The following RASEF variants were observed in gnomAD, a reference collection of about 807,000 sequenced individuals.
RASEF encodes the protein ras and EF-hand domain-containing protein.
RASEF carries 68 observed loss-of-function variants against 90.1 expected under a neutral mutation model. That is an observed-to-expected ratio of 0.75 (90% CI 0.62 to 0.92). The LOEUF is 0.92. RASEF is among the 40% of genes least tolerant of loss of function. RASEF has a pLI of 0.00. For missense variants in RASEF, 949 were observed against 937.2 expected, an observed-to-expected ratio of 1.01 and a Z score of -0.16; for synonymous variants, 331 against 345.2, an observed-to-expected ratio of 0.96 and a Z score of 0.46.
chr9:83,012,347 G>T, intron 5 of RASEF, 87 bp downstream of exon 5: 2 of 642,156 alleles, frequency 3.1e-6, no homozygotes, highest in Non-Finnish European at 5.1e-6. Context: ...TTCCCTTTAA[G>T]CTGCTCTTCC....
At chr9:83,117,795 G>A in the RASEF span, among the ~76,000 whole-genome samples, 1 of 152,164 alleles carries the variant, frequency 6.6e-6, no homozygotes, top group Admixed American at 6.5e-5. Flanking sequence ...GTAAATGCAT[G>A]GTATTAACTT....
chr9:83,099,674 A>G, the RASEF span, among the ~76,000 whole-genome samples: 4 of 152,226 alleles, frequency 2.6e-5, no homozygotes, highest in Non-Finnish European at 4.4e-5. Flanking sequence ...GTCTCAGTCT[A>G]GTCCTCAGCA....
At chr9:83,010,467 A>G (rs1829219296) in intron 5 of RASEF, among the ~76,000 whole-genome samples, 1 of 152,182 alleles carries the variant, frequency 6.6e-6, no homozygotes, top group African/African-American at 2.4e-5. Flanking sequence ...GAGTGGGGAA[A>G]TGGAAGATTA....
At position 82,980,891 on chromosome 9, in the gene RASEF, C is replaced by T. The variant is rs932190439; in HGVS notation, c.*1786G>A. 5 of 152,312 alleles carry T rather than the reference C, an allele frequency of 3.3e-5. No individual in the cohort carries two copies. In the East Asian group the frequency reaches 9.6e-4, roughly 29 times the overall value. 9.4% of individuals were successfully genotyped at this position (152,312 alleles called of 1,614,324 possible). On this transcript the variant is annotated 3_prime_UTR_variant, in exon 17 of 17. Transcript: ENST00000376447. ...GCAGAGTTACTGAGGATAGATCCAA[C>T]TTTCCAGCAAAAATATCAGATGTCT...
chr9:82,994,756 T>C (rs1828881439), intron 14 of RASEF, among the ~76,000 whole-genome samples: 1 of 152,218 alleles, frequency 6.6e-6, no homozygotes, highest in Non-Finnish European at 1.5e-5. Flanking sequence ...TCATGACAGA[T>C]AAACAAATGG....
chr9:83,088,927 TGATA>T, the RASEF span, among the ~76,000 whole-genome samples: 11 of 152,070 alleles, frequency 7.2e-5, no homozygotes, highest in Non-Finnish European at 1.6e-4. Context: ...AGTTAATTAC[TGATA>T]GATAGATGTT....
the RASEF span, among the ~76,000 whole-genome samples, chr9:83,079,996 G>T: frequency 6.6e-6 from 1 of 152,126 alleles, no homozygotes. Flanking sequence ...TAAGTGTATA[G>T]GTAGAAATGT....
At chr9:83,174,975 C>T in the RASEF span, among the ~76,000 whole-genome samples, 30,648 of 151,998 alleles carry the variant, frequency 0.2, 3,235 homozygotes, top group African/African-American at 0.26. Flanking sequence ...TGTATCCTAT[C>T]ACCTTGGAAA....
the RASEF span, among the ~76,000 whole-genome samples, chr9:83,080,335 G>A: frequency 8.5e-3 from 1,301 of 152,358 alleles, 25 homozygotes; most frequent in African/African-American, 0.029. Flanking sequence ...GGAAATGTAA[G>A]AGAGTTCCAT....
At chr9:83,015,086 GA>G (rs1354873401) in intron 4 of RASEF, among the ~76,000 whole-genome samples, 4 of 152,130 alleles carry the variant, frequency 2.6e-5, no homozygotes, top group Admixed American at 2.0e-4. Flanking sequence ...CCTAGATCTG[GA>G]ATTTTCTACT....
the RASEF span, among the ~76,000 whole-genome samples, chr9:83,164,201 T>C: frequency 6.6e-6 from 1 of 151,136 alleles, no homozygotes; most frequent in African/African-American, 2.4e-5. Context: ...TCTATCTACA[T>C]AAAGAAAGGA....
the RASEF span, among the ~76,000 whole-genome samples, chr9:83,144,391 G>GGAAGGAAGGAAAGAAAGAAA: frequency 1.5e-4 from 5 of 33,242 alleles, no homozygotes; most frequent in South Asian, 6.3e-3. Context: ...AAGAAAGAAA[G>GGAAGGAAGGAAAGAAAGAAA]GAAAGAAAGA....
chr9:82,998,737 T>TTGTGTGTG (rs140716164), intron 12 of RASEF, among the ~76,000 whole-genome samples: 2 of 150,502 alleles, frequency 1.3e-5, no homozygotes, highest in East Asian at 3.9e-4. Flanking sequence ...TCAGTCATAT[T>TTGTGTGTG]TGTGTGTGTG....
At chr9:82,992,750 C>T (rs1828837026) in intron 15 of RASEF, among the ~76,000 whole-genome samples, 156 bp downstream of exon 15, 2 of 152,250 alleles carry the variant, frequency 1.3e-5, no homozygotes, top group Non-Finnish European at 1.5e-5. Context: ...AGGTGGGAGT[C>T]ATGGCAGTTT....
chr9:83,018,764 C>T (rs1360807132), intron 3 of RASEF, among the ~76,000 whole-genome samples: 8 of 152,042 alleles, frequency 5.3e-5, no homozygotes, highest in Non-Finnish European at 1.5e-5. Flanking sequence ...GGTATCAAGA[C>T]ATTATAAACC....
intron 16 of RASEF, among the ~76,000 whole-genome samples, chr9:82,989,221 C>CAT (rs1429724050): frequency 1.7e-5 from 2 of 117,050 alleles, no homozygotes; most frequent in East Asian, 7.9e-4. Context: ...TGTATGTGTG[C>CAT]ATGTGTGCGT....
At chr9:83,149,287 G>A in the RASEF span, among the ~76,000 whole-genome samples, 533 of 152,292 alleles carry the variant, frequency 3.5e-3, 1 homozygote, top group African/African-American at 0.012. Flanking sequence ...AGCTGTAGAA[G>A]ACTTTCAGCA....
chr9:83,172,576 C>T, the RASEF span, among the ~76,000 whole-genome samples: 1 of 151,456 alleles, frequency 6.6e-6, no homozygotes, highest in African/African-American at 2.4e-5. Flanking sequence ...CTTATAAAAA[C>T]ACATTATAGC....
intron 16 of RASEF, among the ~76,000 whole-genome samples, chr9:82,985,636 G>A (rs748161429): frequency 2.0e-5 from 3 of 152,184 alleles, no homozygotes; most frequent in Admixed American, 6.5e-5. Context: ...TTCCACAGTA[G>A]AGGATGAACT....
Sources: gnomAD v4.1 joint callset for allele counts (sites outside exome capture counted in the v4.1 genomes callset) on GRCh38, gnomAD v4.1.1 for gene constraint, MANE v1.5 for transcripts, NCBI Gene and HGNC (gene_info 2026-07-23, HGNC 2026-07-21) for gene names.